KCND2: variants seen among roughly 807,000 people sequenced by gnomAD.
KCND2 encodes the protein A-type voltage-gated potassium channel KCND2.
Under a neutral mutation model 54.4 loss-of-function variants are expected in KCND2, and 16 were observed. The observed-to-expected ratio is 0.29, with a 90% CI of 0.20 to 0.45. The LOEUF (loss-of-function observed/expected upper bound fraction) is 0.45. KCND2 is among the 20% of genes least tolerant of loss of function. The pLI is 1.00. For synonymous variants in KCND2, 317 were observed against 310.7 expected (o/e 1.02, Z -0.21); for missense variants, 486 against 824.2 (o/e 0.59, Z 5.02).
intron 1 of KCND2, among the ~76,000 whole-genome samples, chr7:120,501,112 C>G (rs1802925691): frequency 6.6e-6 from 1 of 152,094 alleles, no homozygotes; most frequent in African/African-American, 2.4e-5. Flanking sequence ...ATCTGTTAGT[C>G]CATGTTCTTT....
intron 1 of KCND2, among the ~76,000 whole-genome samples, chr7:120,452,535 G>T (rs1182897189): frequency 1.3e-5 from 2 of 152,276 alleles, no homozygotes; most frequent in East Asian, 3.9e-4. Flanking sequence ...TGGGAAACCT[G>T]CACAGGACTA....
At chr7:120,669,942 T>TATAAAG (rs565940080) in intron 1 of KCND2, among the ~76,000 whole-genome samples, 4 of 152,102 alleles carry the variant, frequency 2.6e-5, no homozygotes, top group Non-Finnish European at 4.4e-5. Context: ...GTCTACTGCC[T>TATAAAG]ATAAAGATAA....
chr7:120,418,816 T>C (rs1423373002), intron 1 of KCND2, among the ~76,000 whole-genome samples: 1 of 152,184 alleles, frequency 6.6e-6, no homozygotes, highest in Non-Finnish European at 1.5e-5. Context: ...CATGAGTGGC[T>C]GTACTCTTTT....
rs1800093023 is a variant in KCND2 at position 120,333,205 on chromosome 7, AG to A, written c.1115+57463del. Among the ~76,000 whole-genome samples the A allele has an allele frequency of 2.6e-5, 4 of 152,226 alleles. No homozygotes were observed. The South Asian group carries it at 8.3e-4, about 32-fold the overall frequency. ...CTTAGTAGGAACGAGTTATTTATAA[AG>A]GGGGTTCAAGTTATTCCTTATCTTC... On this transcript the variant is annotated intron_variant, in intron 1 of 5. Transcript: ENST00000331113.
At chr7:120,615,820 G>A (rs1793016703) in intron 1 of KCND2, among the ~76,000 whole-genome samples, 1 of 152,122 alleles carries the variant, frequency 6.6e-6, no homozygotes, top group African/African-American at 2.4e-5. Flanking sequence ...CTAGGACTTG[G>A]GTTTTCTAAT....
chr7:120,606,456 T>C (rs938750722), intron 1 of KCND2, among the ~76,000 whole-genome samples: 3 of 152,144 alleles, frequency 2.0e-5, no homozygotes, highest in Admixed American at 1.3e-4. Context: ...CATTGTTTAA[T>C]ACGATATCAC....
intron 1 of KCND2, among the ~76,000 whole-genome samples, chr7:120,571,291 A>G (rs1792362680): frequency 6.6e-6 from 1 of 152,238 alleles, no homozygotes; most frequent in Non-Finnish European, 1.5e-5. Flanking sequence ...TGAATTAAAG[A>G]GAGAAAAAGA....
At chr7:120,572,455 A>C (rs745338030) in intron 1 of KCND2, among the ~76,000 whole-genome samples, 4 of 152,160 alleles carry the variant, frequency 2.6e-5, no homozygotes, top group Admixed American at 2.0e-4. Context: ...CAGGCAATAC[A>C]TTGCCTTACT....
intron 2 of KCND2, 82 bp downstream of exon 2, chr7:120,733,147 A>G: frequency 7.0e-7 from 1 of 1,419,196 alleles, no homozygotes; most frequent in Non-Finnish European, 9.9e-7. Flanking sequence ...ATGGTTATTC[A>G]GTGCTCTGGA....
At chr7:120,451,539 A>G (rs747315402) in intron 1 of KCND2, among the ~76,000 whole-genome samples, 2 of 152,170 alleles carry the variant, frequency 1.3e-5, no homozygotes, top group African/African-American at 2.4e-5. Flanking sequence ...TATTACATCA[A>G]TTTTTCCAAA....
intron 1 of KCND2, among the ~76,000 whole-genome samples, chr7:120,433,904 C>A (rs532860243): frequency 6.6e-6 from 1 of 152,272 alleles, no homozygotes; most frequent in Non-Finnish European, 1.5e-5. Context: ...ACTTATTGTA[C>A]ATAGCAAGTA....
At chr7:120,510,855 C>T (rs967753060) in intron 1 of KCND2, among the ~76,000 whole-genome samples, 2 of 151,862 alleles carry the variant, frequency 1.3e-5, no homozygotes, top group Non-Finnish European at 1.5e-5. Flanking sequence ...CCTTCTACCC[C>T]CAACCCCTGG....
chr7:120,529,265 A>T (rs756008598), intron 1 of KCND2, among the ~76,000 whole-genome samples: 1 of 152,168 alleles, frequency 6.6e-6, no homozygotes. Flanking sequence ...TAAATGAAAA[A>T]GATGGTCTTC....
chr7:120,398,271 CA>C (rs138314719), intron 1 of KCND2, among the ~76,000 whole-genome samples: 15,624 of 151,066 alleles, frequency 0.1, 846 homozygotes, highest in Admixed American at 0.13. Context: ...TGAAAAATAG[CA>C]AAAATATATA....
At chr7:120,494,083 A>G (rs1584800746) in intron 1 of KCND2, among the ~76,000 whole-genome samples, 1 of 152,000 alleles carries the variant, frequency 6.6e-6, no homozygotes, top group Admixed American at 6.6e-5. Flanking sequence ...CCTAAACAAT[A>G]TATTAGGAAA....
chr7:120,547,289 G>T (rs549361859), intron 1 of KCND2, among the ~76,000 whole-genome samples: 1 of 151,894 alleles, frequency 6.6e-6, no homozygotes, highest in East Asian at 1.9e-4. Flanking sequence ...CTTGCATCAT[G>T]AACTTCAATA....
intron 1 of KCND2, among the ~76,000 whole-genome samples, chr7:120,545,601 T>C (rs545662206): frequency 6.6e-6 from 1 of 151,956 alleles, no homozygotes; most frequent in East Asian, 1.9e-4. Flanking sequence ...TAAAACTTTT[T>C]TCATATTTAA....
At chr7:120,278,309 T>C (rs1311969313) in intron 1 of KCND2, among the ~76,000 whole-genome samples, 1 of 151,918 alleles carries the variant, frequency 6.6e-6, no homozygotes, top group African/African-American at 2.4e-5. Context: ...AGGCTGTAGT[T>C]CTATACTTAG....
intron 1 of KCND2, among the ~76,000 whole-genome samples, chr7:120,472,584 C>CAG (rs890382013): frequency 3.3e-5 from 5 of 150,348 alleles, no homozygotes; most frequent in South Asian, 2.1e-4. Context: ...CACACACACA[C>CAG]AGTTTTTTGT....
Sources: allele counts gnomAD v4.1 joint callset (sites outside exome capture counted in the v4.1 genomes callset), GRCh38; gene constraint gnomAD v4.1.1; transcripts MANE v1.5; gene names NCBI Gene and HGNC (gene_info 2026-07-23, HGNC 2026-07-21).